Variants in NSUN7 observed in about 807,000 individuals in gnomAD.
The protein encoded by NSUN7 is NOP2/Sun RNA methyltransferase family member 7.
Under a neutral mutation model 58.5 loss-of-function variants are expected in NSUN7, and 39 were observed. The ratio of observed to expected loss-of-function variants is 0.67; its 90% CI spans 0.52 to 0.87. NSUN7 has a LOEUF of 0.87. Ranked by LOEUF, NSUN7 falls within the 40% of genes least tolerant of loss-of-function variation. The pLI is 0.00. For missense variants in NSUN7, 765 were observed against 844.1 expected (o/e 0.91, Z 1.16); for synonymous variants, 278 against 303.7 (o/e 0.92, Z 0.88).
intron 10 of NSUN7, among the ~76,000 whole-genome samples, chr4:40,803,405 A>G (rs1226236616): frequency 6.6e-6 from 1 of 152,156 alleles, no homozygotes; most frequent in African/African-American, 2.4e-5. Context: ...TCCCACCGAC[A>G]GTGTTAAAGT....
intron 4 of NSUN7, among the ~76,000 whole-genome samples, chr4:40,771,804 G>C (rs1742025531): frequency 6.7e-6 from 1 of 150,274 alleles, no homozygotes; most frequent in Non-Finnish European, 1.5e-5. Context: ...GTGTAACTGG[G>C]ATGATGGTAA....
Position 40,798,911 on chromosome 4 carries a change from A to G in NSUN7, c.1400+7A>G. On this transcript the variant is annotated splice_region_variant and intron_variant, in intron 10 of 11. Transcript: ENST00000381782. ...ATAAAGGACAACCTTACAGGTAAGA[A>G]AAGGAAGGATTCTTCTAAACAACTC... 7.1e-7 allele frequency: 1 copy of G among 1,418,234 alleles called. No homozygotes were observed. The highest frequency in any genetic ancestry group is 2.3e-5 in the East Asian group (1 of 43,630). 87.9% of individuals were successfully genotyped at this position (1,418,234 alleles called of 1,614,324 possible).
intron 10 of NSUN7, among the ~76,000 whole-genome samples, chr4:40,803,774 C>T (rs1057256013): frequency 4.6e-5 from 7 of 152,276 alleles, no homozygotes; most frequent in Non-Finnish European, 7.4e-5. Flanking sequence ...TCCTTCTTTG[C>T]GTGTGGTCAT....
chr4:40,755,808 A>G (rs1205978290), intron 2 of NSUN7, among the ~76,000 whole-genome samples: 1 of 152,244 alleles, frequency 6.6e-6, no homozygotes, highest in Non-Finnish European at 1.5e-5. Flanking sequence ...AAGTAAAGGT[A>G]CATAGGGCAG....
At chr4:40,776,910 G>A (rs1742297857) in intron 7 of NSUN7, among the ~76,000 whole-genome samples, 1 of 152,206 alleles carries the variant, frequency 6.6e-6, no homozygotes, top group Non-Finnish European at 1.5e-5. Context: ...GAGCTACCAG[G>A]CCTGGCCTAG....
intron 2 of NSUN7, among the ~76,000 whole-genome samples, chr4:40,757,725 T>TATACAC (rs1177378447): frequency 1.9e-4 from 27 of 142,562 alleles, no homozygotes; most frequent in African/African-American, 7.0e-4. Context: ...TGTGTATATA[T>TATACAC]ACACACACAC....
At chr4:40,753,619 T>A (rs1740947017) in intron 2 of NSUN7, among the ~76,000 whole-genome samples, 1 of 152,222 alleles carries the variant, frequency 6.6e-6, no homozygotes, top group African/African-American at 2.4e-5. Flanking sequence ...CTTGAAACGT[T>A]CGTTTTTATA....
intron 10 of NSUN7, among the ~76,000 whole-genome samples, chr4:40,799,385 TGCGGTG>T (rs1235774965): frequency 1.3e-5 from 2 of 151,600 alleles, no homozygotes; most frequent in Middle Eastern, 3.2e-3. Flanking sequence ...GCTGGCCTGG[TGCGGTG>T]GCTCACACCT....
intron 2 of NSUN7, among the ~76,000 whole-genome samples, chr4:40,758,585 G>A (rs1741288430): frequency 6.6e-6 from 1 of 151,972 alleles, no homozygotes; most frequent in Admixed American, 6.6e-5. Context: ...CAACACTTGG[G>A]AAGCCAAAGT....
intron 7 of NSUN7, among the ~76,000 whole-genome samples, chr4:40,780,459 A>G (rs1742476297): frequency 6.6e-6 from 1 of 151,696 alleles, no homozygotes. Flanking sequence ...AATACAAAAA[A>G]TTACCCAGGT....
chr4:40,750,510 TCCCTCTTAGTCTTTAAGG>T, intron 1 of NSUN7, 75 bp from the exon 2 acceptor site: 1 of 559,272 alleles, frequency 1.8e-6, no homozygotes, highest in Admixed American at 3.2e-5. Flanking sequence ...CGGGAAATGC[TCCCTCTTAGTCTTTAAGG>T]CCACAACGAA....
rs1308914653 is a variant in NSUN7, at chr4:40,808,446, G to A, written c.1664G>A (p.Gly555Asp). The change falls in exon 12 of 12, where the codon GGT becomes GAT. Residue 555 changes from glycine to aspartate, a missense_variant. Gly to Asp is a moderately conservative substitution (Grantham distance 94). Transcript: ENST00000381782. ...AAATCAAAAACATCATTGACAAAAG[G>A]TGCCACTACTGATAATGGCATCCAA... ...KKKSKTSLTK[G>D]ATTDNGIQMK... The A allele has an allele frequency of 1.2e-6, 2 of 1,604,848 alleles. No individual in the cohort carries two copies. Among genetic ancestry groups the A allele is most frequent in the African/African-American group, 2.7e-5 (2 of 74,766 alleles).
chr4:40,768,492 A>G (rs912922015), intron 4 of NSUN7, among the ~76,000 whole-genome samples: 4 of 152,152 alleles, frequency 2.6e-5, no homozygotes, highest in Non-Finnish European at 5.9e-5. Flanking sequence ...GCTCGGCCAG[A>G]TAAAGACTAA....
intron 7 of NSUN7, among the ~76,000 whole-genome samples, chr4:40,788,954 G>A (rs1279975583): frequency 6.6e-6 from 1 of 152,154 alleles, no homozygotes; most frequent in Non-Finnish European, 1.5e-5. Context: ...AAGAGAATAG[G>A]AACTACTGGG....
intron 7 of NSUN7, among the ~76,000 whole-genome samples, chr4:40,788,838 C>G (rs889213633): frequency 1.3e-5 from 2 of 152,154 alleles, no homozygotes; most frequent in Admixed American, 1.3e-4. Context: ...TCATTTTTCT[C>G]TCAGTCTTGG....
At chr4:40,756,389 A>G (rs1368719660) in intron 2 of NSUN7, among the ~76,000 whole-genome samples, 1 of 152,272 alleles carries the variant, frequency 6.6e-6, no homozygotes, top group African/African-American at 2.4e-5. Flanking sequence ...TCCCTGAAGC[A>G]GACTGAAGAG....
chr4:40,799,073 C>CTTTTTGTTTTTTTTTTTTTTTTT (rs1553919775), intron 10 of NSUN7, among the ~76,000 whole-genome samples, 169 bp downstream of exon 10: 2 of 76,208 alleles, frequency 2.6e-5, no homozygotes, highest in African/African-American at 5.0e-5. Flanking sequence ...GGGCCTTTTT[C>CTTTTTGTTTTTTTTTTTTTTTTT]TTTTTTTTTT....
chr4:40,802,648 T>C (rs966205331), intron 10 of NSUN7, among the ~76,000 whole-genome samples: 16 of 152,206 alleles, frequency 1.1e-4, no homozygotes, highest in Non-Finnish European at 2.2e-4. Context: ...TTTGTTTTTT[T>C]GTATCACACC....
At chr4:40,773,661 C>T (rs6447413) in intron 4 of NSUN7, among the ~76,000 whole-genome samples, 43,578 of 149,000 alleles carry the variant, frequency 0.29, 6,688 homozygotes, top group Non-Finnish European at 0.34. Context: ...CCAGCCTGGG[C>T]GACAGACGGA....
Sources: gnomAD v4.1 joint callset for allele counts (sites outside exome capture counted in the v4.1 genomes callset) on GRCh38, gnomAD v4.1.1 for gene constraint, MANE v1.5 for transcripts, NCBI Gene and HGNC (gene_info 2026-07-23, HGNC 2026-07-21) for gene names.